The following ZNF385D variants were observed in gnomAD, a reference collection of about 807,000 sequenced individuals.
ZNF385D encodes the protein zinc finger protein 385D, also known as zinc finger protein 659.
Under a neutral mutation model 35.8 loss-of-function variants are expected in ZNF385D, and 15 were observed. The ratio of observed to expected loss-of-function variants is 0.42; its 90% CI spans 0.28 to 0.64. The LOEUF (loss-of-function observed/expected upper bound fraction) is 0.64. ZNF385D is among the 30% of genes least tolerant of loss of function. The probability of loss-of-function intolerance (pLI) is 0.23; values close to 1 mark genes in which losing one functional copy is unlikely to be tolerated. For missense variants in ZNF385D, 474 were observed against 494.6 expected (o/e 0.96, Z 0.39); for synonymous variants, 212 against 186.8 (o/e 1.13, Z -1.10).
chr3:21,627,792 A>T (rs1355562829), intron 2 of ZNF385D, among the ~76,000 whole-genome samples: 9 of 152,246 alleles, frequency 5.9e-5, no homozygotes, highest in Non-Finnish European at 1.2e-4. Flanking sequence ...GAAATTTTCT[A>T]TTAAAGTTCA....
intron 2 of ZNF385D, among the ~76,000 whole-genome samples, chr3:22,274,652 T>A (rs1186714884): frequency 8.0e-6 from 1 of 125,170 alleles, no homozygotes; most frequent in Non-Finnish European, 1.6e-5. Flanking sequence ...TTCTATTTGT[T>A]CATTTTAGTA....
chr3:22,084,356 C>T (rs1043312026), intron 3 of ZNF385D, among the ~76,000 whole-genome samples: 4 of 152,048 alleles, frequency 2.6e-5, no homozygotes, highest in African/African-American at 9.7e-5. Context: ...GAGACACATA[C>T]ACACTCAAAA....
chr3:21,714,106 C>T (rs2125424074), intron 1 of ZNF385D, among the ~76,000 whole-genome samples: 1 of 152,292 alleles, frequency 6.6e-6, no homozygotes, highest in Middle Eastern at 3.4e-3. Context: ...TCTGTGCCTA[C>T]TCCTGCCTTC....
chr3:22,021,950 T>C (rs1697247701), intron 3 of ZNF385D, among the ~76,000 whole-genome samples: 1 of 152,060 alleles, frequency 6.6e-6, no homozygotes, highest in Admixed American at 6.6e-5. Context: ...TCTCACTTGT[T>C]CTGGAAAACT....
chr3:21,884,317 C>G lies in ZNF385D; in HGVS notation c.326-219289G>C, dbSNP rs368784223. On this transcript the variant is annotated intron_variant, in intron 3 of 5. Coordinates refer to the ZNF385D transcript ENST00000494108. ...AAACAGTAGACAACTCTGAAAGTAGCCTTGCCTAAGTAAATCACCATCCCT... is the reference window on the plus strand; with the variant it reads ...AAACAGTAGACAACTCTGAAAGTAGGCTTGCCTAAGTAAATCACCATCCCT... Among the ~76,000 whole-genome samples, 15 of 152,034 alleles carry G rather than the reference C, an allele frequency of 9.9e-5. No individual in the cohort carries two copies. The East Asian group carries it at 2.7e-3, about 28-fold the overall frequency.
At chr3:22,030,906 T>G (rs193001649) in intron 3 of ZNF385D, among the ~76,000 whole-genome samples, 192 of 152,258 alleles carry the variant, frequency 1.3e-3, no homozygotes, top group African/African-American at 4.3e-3. Context: ...AGGCATTAAG[T>G]AAAAGTTCCC....
At chr3:22,075,247 A>T (rs1488663126) in intron 3 of ZNF385D, among the ~76,000 whole-genome samples, 2 of 151,794 alleles carry the variant, frequency 1.3e-5, no homozygotes, top group Non-Finnish European at 2.9e-5. Flanking sequence ...TATTCCCTTC[A>T]GTTTAGATGC....
intron 2 of ZNF385D, among the ~76,000 whole-genome samples, chr3:22,216,844 A>C (rs989862446): frequency 1.3e-5 from 2 of 152,224 alleles, no homozygotes; most frequent in African/African-American, 2.4e-5. Context: ...AGTCTTGCCC[A>C]AAAAAGCCTC....
chr3:21,586,196 ACT>A (rs1209883120), intron 2 of ZNF385D, among the ~76,000 whole-genome samples: 2 of 151,884 alleles, frequency 1.3e-5, no homozygotes, highest in East Asian at 1.9e-4. Flanking sequence ...ACAGAGGGAG[ACT>A]CTGTCCCTAA....
At chr3:21,421,719 A>G (rs1342183546) in intron 7 of ZNF385D, among the ~76,000 whole-genome samples, 1 of 152,202 alleles carries the variant, frequency 6.6e-6, no homozygotes, top group Non-Finnish European at 1.5e-5. Context: ...TTTGTTGAAA[A>G]TTATATTTCC....
chr3:21,590,276 A>G lies in ZNF385D; in HGVS notation c.166-25592T>C, dbSNP rs192407653. On this transcript the variant is annotated intron_variant, in intron 2 of 7. Transcript: ENST00000281523. ...ACTATGTTTATGTATATGCTATGCTATTTCATAATAAAACTTTTTTTATTG... is the reference window on the plus strand; with the variant it reads ...ACTATGTTTATGTATATGCTATGCTGTTTCATAATAAAACTTTTTTTATTG... Among the ~76,000 whole-genome samples, 7 of 152,292 alleles carry G rather than the reference A, an allele frequency of 4.6e-5. 1 individual carries two copies. The highest frequency in any genetic ancestry group is 1.7e-4 in the African/African-American group (7 of 41,570).
intron 4 of ZNF385D, among the ~76,000 whole-genome samples, chr3:21,472,877 G>A (rs1383248027): frequency 6.6e-6 from 1 of 152,092 alleles, no homozygotes; most frequent in Non-Finnish European, 1.5e-5. Flanking sequence ...GCCTCTCATG[G>A]TTCTGAGTGC....
chr3:21,559,202 T>C (rs539109811), intron 3 of ZNF385D, among the ~76,000 whole-genome samples: 10 of 152,280 alleles, frequency 6.6e-5, no homozygotes, highest in African/African-American at 2.4e-4. Flanking sequence ...AATTTGAGCC[T>C]CTCATTATGA....
At position 21,855,531 on chromosome 3, in the gene ZNF385D, A is replaced by G. The variant is rs574132222; in HGVS notation, c.326-190503T>C. ...TGCTTTCCTATTTGCAAAGAAAGTT[A>G]GAATCACTGCATTAATCAGAATCCA... On this transcript the variant is annotated intron_variant, in intron 3 of 5. Transcript: ENST00000494108. Among the ~76,000 whole-genome samples the G allele has an allele frequency of 2.4e-3, 368 of 152,158 alleles. 3 individuals carry two copies. The highest frequency in any genetic ancestry group is 8.4e-3 in the African/African-American group (351 of 41,566).
At chr3:21,739,216 G>A (rs942619919) in intron 1 of ZNF385D, among the ~76,000 whole-genome samples, 1 of 152,166 alleles carries the variant, frequency 6.6e-6, no homozygotes, top group Non-Finnish European at 1.5e-5. Flanking sequence ...ACTTGCATCA[G>A]AGACAGATTC....
At chr3:22,282,251 T>C (rs1332072929) in intron 2 of ZNF385D, among the ~76,000 whole-genome samples, 1 of 152,088 alleles carries the variant, frequency 6.6e-6, no homozygotes, top group Non-Finnish European at 1.5e-5. Context: ...TCTGCTCTGA[T>C]CTTTGTTATT....
intron 3 of ZNF385D, among the ~76,000 whole-genome samples, chr3:21,989,304 C>G (rs1161173777): frequency 6.6e-6 from 1 of 152,098 alleles, no homozygotes; most frequent in Non-Finnish European, 1.5e-5. Context: ...TTATAATAAA[C>G]TGGTTTGGAC....
Position 21,885,734 on chromosome 3 carries a change from CTGTGTCTGTGTGTGTG to C in ZNF385D, c.326-220722_326-220707del, listed in dbSNP as rs1375988186. ...TCCATGGAAATAGAACAGGGTGTGT[CTGTGTCTGTGTGTGTG>C]TGTGTGTGTGTGTGTGTGTGTGTGT... On this transcript the variant is annotated intron_variant, in intron 3 of 5. Coordinates refer to the ZNF385D transcript ENST00000494108. Among the ~76,000 whole-genome samples, 201 of 131,930 alleles carry C rather than the reference CTGTGTCTGTGTGTGTG, an allele frequency of 1.5e-3. 1 individual carries two copies. The highest frequency in any genetic ancestry group is 3.7e-3 in the Middle Eastern group (1 of 270). The allele number at this position is 131,930 out of a possible 152,430, so 86.6% of individuals were successfully genotyped here. A position where few individuals can be genotyped will look rare whatever the true frequency, so the allele number is the denominator to read the frequency against.
chr3:21,550,587 A>G (rs747812802), intron 3 of ZNF385D, among the ~76,000 whole-genome samples: 1 of 152,080 alleles, frequency 6.6e-6, no homozygotes, highest in Non-Finnish European at 1.5e-5. Context: ...GGTTCAAGTG[A>G]TTCTCCCGCC....
Sources: allele counts gnomAD v4.1 joint callset (sites outside exome capture counted in the v4.1 genomes callset), GRCh38; gene constraint gnomAD v4.1.1; transcripts MANE v1.5; gene names NCBI Gene and HGNC (gene_info 2026-07-23, HGNC 2026-07-21).